Variants in UGT1A9 observed in about 807,000 individuals in gnomAD.
The protein encoded by UGT1A9 is UDP-glucuronosyltransferase 1A9.
A neutral mutation model predicts 45.0 loss-of-function variants in UGT1A9; 35 were observed. That is an observed-to-expected ratio of 0.78 (90% CI 0.59 to 1.03). UGT1A9 has a LOEUF of 1.03. Among genes scored for constraint, UGT1A9 ranks in the 50% least tolerant of loss-of-function variants. The pLI is 0.00. For missense variants in UGT1A9, 687 were observed against 666.6 expected (o/e 1.03, Z -0.34); for synonymous variants, 278 against 250.6 (o/e 1.11, Z -1.03).
At chr2:233,691,215 C>T (rs2075032579) in intron 1 of UGT1A9, 1 of 985,604 alleles carries the variant, frequency 1.0e-6, no homozygotes, top group Non-Finnish European at 1.2e-6. Context: ...CCCTTTGCAA[C>T]CTTCCTGGAG....
In UGT1A9 at chr2:233,772,279, T is replaced by G. The variant is rs202172337; in HGVS notation, c.1313T>G (p.Met438Arg). Residue 438 changes from methionine to arginine, a missense_variant, in exon 5 of 5, where the codon ATG (methionine) becomes AGG (arginine). By Grantham distance (91) the Met-to-Arg change is moderately conservative. Transcript: ENST00000354728. ...INDKSYKENI[M>R]RLSSLHKDRP... The stretch of plus-strand genomic sequence containing the variant: ...GTGTTTAGTTACAAGGAGAACATCA[T>G]GCGCCTCTCCAGCCTTCACAAGGAC... 1.9e-6 allele frequency: 3 copies of G among 1,614,146 alleles called. No homozygotes were observed. The African/African-American group carries it at 4.0e-5, about 22-fold the overall frequency.
At chr2:233,762,499 T>G (rs1698093030) in intron 1 of UGT1A9, among the ~76,000 whole-genome samples, 1 of 152,234 alleles carries the variant, frequency 6.6e-6, no homozygotes, top group African/African-American at 2.4e-5. Context: ...GCTATTACTT[T>G]TTAAACTATG....
Position 233,692,066 on chromosome 2 carries a change from GGAGA to G in UGT1A9, c.855+19284_855+19287del, listed in dbSNP as rs570948190. On this transcript the variant is annotated intron_variant, in intron 1 of 4. Transcript: ENST00000354728. Reference sequence around the variant, plus strand: ...AACCCTTGCGATTAGAGGGAAGAAAGGAGAGAGAGATTGAAGATTGATTTGATCA... The same window carrying G: ...AACCCTTGCGATTAGAGGGAAGAAAGGAGAGATTGAAGATTGATTTGATCA... 4.2e-3 allele frequency: 635 copies of G among 152,292 alleles called. 4 individuals carry two copies. Among genetic ancestry groups the G allele is most frequent in the African/African-American group, 7.4e-3 (309 of 41,550 alleles). The allele number at this position is 152,292 out of a possible 1,614,324, so 9.4% of individuals were successfully genotyped here. A position where few individuals can be genotyped will look rare whatever the true frequency, so the allele number is the denominator to read the frequency against.
At chr2:233,739,958 T>A (rs1559383787) in intron 1 of UGT1A9, among the ~76,000 whole-genome samples, 1 of 151,938 alleles carries the variant, frequency 6.6e-6, no homozygotes, top group Non-Finnish European at 1.5e-5. Flanking sequence ...TGGGAGCTGA[T>A]TGAATCATAT....
intron 1 of UGT1A9, chr2:233,718,953 C>T (rs369434904): frequency 1.1e-4 from 171 of 1,614,048 alleles, no homozygotes; most frequent in South Asian, 1.0e-3. Flanking sequence ...GCTCAGCATG[C>T]GGGAGGCCTT....
chr2:233,725,050 G>C (rs2077352447), intron 1 of UGT1A9, among the ~76,000 whole-genome samples: 1 of 147,798 alleles, frequency 6.8e-6, no homozygotes, highest in South Asian at 2.3e-4. Flanking sequence ...AGTCAGGCGT[G>C]GCGGCGCGCG....
chr2:233,681,336 C>T (rs575470114), intron 1 of UGT1A9, among the ~76,000 whole-genome samples: 1 of 151,950 alleles, frequency 6.6e-6, no homozygotes, highest in East Asian at 1.9e-4. Flanking sequence ...GAGTTCGAGA[C>T]CAGCCTGGGC....
At chr2:233,721,199 C>A (rs1012504962) in intron 1 of UGT1A9, among the ~76,000 whole-genome samples, 1 of 152,106 alleles carries the variant, frequency 6.6e-6, no homozygotes, top group Non-Finnish European at 1.5e-5. Flanking sequence ...ATTTGTTCTA[C>A]TGGTTTTCTT....
chr2:233,760,233 CATAT>C (rs3064744), intron 1 of UGT1A9: 2 of 1,510,040 alleles, frequency 1.3e-6, no homozygotes, highest in African/African-American at 1.4e-5. Context: ...TGGTTTTTGC[CATAT>C]ATATATATAT....
intron 1 of UGT1A9, among the ~76,000 whole-genome samples, chr2:233,764,385 C>A (rs1299567681): frequency 6.6e-6 from 1 of 152,140 alleles, no homozygotes; most frequent in African/African-American, 2.4e-5. Context: ...AGGAGTTGGC[C>A]GTGATGACAA....
chr2:233,676,121 C>G (rs553203666), intron 1 of UGT1A9, among the ~76,000 whole-genome samples: 3 of 152,128 alleles, frequency 2.0e-5, no homozygotes, highest in African/African-American at 7.2e-5. Flanking sequence ...ACAGAAGACC[C>G]ACCCTGGGGT....
intron 1 of UGT1A9, among the ~76,000 whole-genome samples, chr2:233,756,947 C>T (rs1471730406): frequency 2.6e-5 from 4 of 152,070 alleles, no homozygotes; most frequent in East Asian, 1.9e-4. Context: ...ACCTGAAACC[C>T]GGACTTGGCA....
intron 1 of UGT1A9, among the ~76,000 whole-genome samples, chr2:233,717,462 T>C (rs1357156698): frequency 1.3e-5 from 2 of 152,152 alleles, no homozygotes; most frequent in African/African-American, 4.8e-5. Flanking sequence ...GCCTGTCCCA[T>C]GGGTTGTGTC....
chr2:233,734,579 T>C (rs1163010771), intron 1 of UGT1A9, among the ~76,000 whole-genome samples: 20 of 152,230 alleles, frequency 1.3e-4, no homozygotes, highest in Non-Finnish European at 2.9e-5. Context: ...TTGCTCTTGC[T>C]TATCTAGTTC....
At chr2:233,760,673 A>T (rs1191873899) in intron 1 of UGT1A9, 3 of 1,614,096 alleles carry the variant, frequency 1.9e-6, no homozygotes, top group East Asian at 2.2e-5. Flanking sequence ...GGCTGTTCCC[A>T]CTTACTGCAC....
intron 3 of UGT1A9, 130 bp from the exon 4 acceptor site, chr2:233,768,090 T>A (rs887845025): frequency 1.1e-5 from 18 of 1,591,432 alleles, no homozygotes; most frequent in Non-Finnish European, 1.5e-5. Flanking sequence ...CAACCCACAT[T>A]TTCTTCTGCA....
Position 233,722,695 on chromosome 2 carries a change from T to C in UGT1A9, c.856-44339T>C, listed in dbSNP as rs1001983756. Among the ~76,000 whole-genome samples the C allele has an allele frequency of 3.3e-5, 5 of 152,186 alleles. No individual in the cohort carries two copies. In the East Asian group the frequency reaches 9.6e-4, roughly 29 times the overall value. On this transcript the variant is annotated intron_variant, in intron 1 of 4. Transcript: ENST00000354728. Reference sequence around the variant, plus strand: ...TAAAAATTGCTGTTCTTTTCATTGCTTTTAGATAATTTAAATATCAGTTTT... The same window carrying C: ...TAAAAATTGCTGTTCTTTTCATTGCCTTTAGATAATTTAAATATCAGTTTT...
chr2:233,758,800 G>A (rs970637590), intron 1 of UGT1A9, among the ~76,000 whole-genome samples: 4 of 152,152 alleles, frequency 2.6e-5, no homozygotes, highest in African/African-American at 9.7e-5. Flanking sequence ...TCTTGGAATT[G>A]TATAGTACAG....
chr2:233,693,483 C>G, intron 1 of UGT1A9: 1 of 1,614,168 alleles, frequency 6.2e-7, no homozygotes, highest in Non-Finnish European at 8.5e-7. Flanking sequence ...GTGATCCTGG[C>G]TGAGTATTTG....
Sources: allele counts gnomAD v4.1 joint callset (sites outside exome capture counted in the v4.1 genomes callset), GRCh38; gene constraint gnomAD v4.1.1; transcripts MANE v1.5; gene names NCBI Gene and HGNC (gene_info 2026-07-23, HGNC 2026-07-21).